Variants in NOSTRIN observed in about 807,000 individuals in gnomAD.
NOSTRIN encodes the protein nitric oxide synthase trafficking, also known as BM247 homolog.
Under a neutral mutation model 59.0 loss-of-function variants are expected in NOSTRIN, and 63 were observed. The ratio of observed to expected loss-of-function variants is 1.07; its 90% CI spans 0.87 to 1.32. The LOEUF (loss-of-function observed/expected upper bound fraction) is 1.32. Among genes scored for constraint, NOSTRIN ranks in the 40% most tolerant of loss-of-function variants. The pLI, the probability that NOSTRIN is intolerant of heterozygous loss-of-function variation, is 0.00. For synonymous variants in NOSTRIN, 200 were observed against 165.4 expected (o/e 1.21, Z -1.61); for missense variants, 512 against 473.1 (o/e 1.08, Z -0.76).
At position 168,856,770 on chromosome 2, in the gene NOSTRIN, A is replaced by G. The variant is rs367978473; in HGVS notation, c.1045A>G (p.Met349Val). 16 of 1,613,842 alleles carry G rather than the reference A, an allele frequency of 9.9e-6. No homozygotes were observed. The African/African-American group carries it at 1.9e-4, about 19-fold the overall frequency. The change falls in exon 12 of 16, where the codon ATG (methionine) becomes GTG (valine). Residue 349 changes from methionine (M) to valine (V), a missense_variant. Met to Val is a conservative substitution (Grantham distance 21). Coordinates refer to ENST00000317647, the MANE Select transcript of NOSTRIN (RefSeq NM_001039724.4). ...AKSQKDTAALMDENNLKLDLL... is the reference protein window; with the variant it reads ...AKSQKDTAALVDENNLKLDLL... ...GAGCCAGAAAGACACAGCAGCGTTAATGGATGAGGTAAATGTTTGCCGAGT... is the reference window on the plus strand; with the variant it reads ...GAGCCAGAAAGACACAGCAGCGTTAGTGGATGAGGTAAATGTTTGCCGAGT...
intron 2 of NOSTRIN, among the ~76,000 whole-genome samples, chr2:168,816,295 C>A (rs1433734628): frequency 6.6e-6 from 1 of 152,178 alleles, no homozygotes; most frequent in Non-Finnish European, 1.5e-5. Context: ...GTAGCCATGA[C>A]CCTGTTTAAG....
chr2:168,837,727 C>T (rs1173376856), intron 7 of NOSTRIN, among the ~76,000 whole-genome samples: 2 of 152,150 alleles, frequency 1.3e-5, no homozygotes, highest in Non-Finnish European at 2.9e-5. Flanking sequence ...AGTGTTCTTG[C>T]CATCGAAAAC....
At chr2:168,850,018 C>G (rs1163164458) in intron 8 of NOSTRIN, among the ~76,000 whole-genome samples, 1 of 150,804 alleles carries the variant, frequency 6.6e-6, no homozygotes, top group Non-Finnish European at 1.5e-5. Context: ...TGGGTTCAGG[C>G]AATTCTGCCT....
intron 1 of NOSTRIN, among the ~76,000 whole-genome samples, chr2:168,807,355 G>A (rs1685909969): frequency 1.3e-5 from 2 of 152,186 alleles, no homozygotes; most frequent in South Asian, 4.1e-4. Flanking sequence ...CACAGTTTTT[G>A]TCTCCAAGTC....
chr2:168,800,411 C>T (rs77532742), upstream of NOSTRIN, among the ~76,000 whole-genome samples: 2,297 of 152,280 alleles, frequency 0.015, 57 homozygotes, highest in African/African-American at 0.052. Context: ...AACATTCCTC[C>T]GAGAAGCTCA....
intron 2 of NOSTRIN, among the ~76,000 whole-genome samples, chr2:168,792,525 C>A (rs1052639214): frequency 2.0e-5 from 3 of 152,204 alleles, no homozygotes; most frequent in African/African-American, 7.2e-5. Context: ...TCTTGACTCA[C>A]TGCAACCTCT....
chr2:168,790,657 C>A (rs911660641), intron 2 of NOSTRIN, among the ~76,000 whole-genome samples: 1 of 152,146 alleles, frequency 6.6e-6, no homozygotes, highest in Non-Finnish European at 1.5e-5. Flanking sequence ...AAGAACTGTT[C>A]CAGAGTGGAA....
rs953170793 is a variant in NOSTRIN at position 168,865,034 on chromosome 2, G to T, written c.*64G>T. The T allele has an allele frequency of 6.4e-7, 1 of 1,552,350 alleles. No individual in the cohort carries two copies. Among genetic ancestry groups the T allele is most frequent in the Non-Finnish European group, 8.8e-7 (1 of 1,138,778 alleles). ...CAACAATACAGTGTGGTTCAAATAA[G>T]AATAAAGTGCTCTTACCTTTACATG... is the stretch of plus-strand genomic sequence containing the variant. On this transcript the variant is annotated 3_prime_UTR_variant, in exon 16 of 16. Transcript: ENST00000317647.
At chr2:168,840,305 C>T (rs1422381444) in intron 7 of NOSTRIN, among the ~76,000 whole-genome samples, 2 of 151,968 alleles carry the variant, frequency 1.3e-5, no homozygotes, top group African/African-American at 4.8e-5. Flanking sequence ...CTGAAACGGG[C>T]GGATCACGAG....
At position 168,860,803 on chromosome 2, in the gene NOSTRIN, T is replaced by C. The variant is rs375549537; in HGVS notation, c.1188T>C (p.Thr396=). The change falls in exon 14 of 16, where the codon ACT becomes ACC. Residue 396 remains threonine, a synonymous_variant. Transcript: ENST00000317647. ...SIFRWREKEH[T]HSYVKISRPF... ...TTATGTCATTTGAACAGGAGCATAC[T>C]CATAGCTATGTGAAAATATCTCGGC... is the stretch of plus-strand genomic sequence containing the variant. 1.6e-5 allele frequency: 26 copies of C among 1,601,224 alleles called. No homozygotes were observed. The African/African-American group carries it at 2.9e-4, about 18-fold the overall frequency.
intron 7 of NOSTRIN, among the ~76,000 whole-genome samples, chr2:168,835,229 C>G (rs894556254): frequency 2.6e-5 from 4 of 151,710 alleles, no homozygotes; most frequent in Admixed American, 6.6e-5. Flanking sequence ...TGTGCACCAC[C>G]ATGCTCGGCT....
intron 2 of NOSTRIN, among the ~76,000 whole-genome samples, chr2:168,812,577 A>G (rs747871103): frequency 1.3e-5 from 2 of 152,224 alleles, no homozygotes; most frequent in Non-Finnish European, 2.9e-5. Flanking sequence ...TTCTCTCTCA[A>G]GGCAGTGGCT....
rs117507175 is a variant in NOSTRIN at position 168,806,226 on chromosome 2, G to A, written c.27+3553G>A. 9.4e-4 allele frequency among the ~76,000 whole-genome samples: 143 copies of A among 151,832 alleles called. 6 individuals carry two copies. The East Asian group carries it at 0.025, about 26-fold the overall frequency. On this transcript the variant is annotated intron_variant, in intron 1 of 15. Transcript: ENST00000317647. The stretch of plus-strand genomic sequence containing the variant: ...AAAGTTCATTGTGTTAAATTTAAGG[G>A]GAATATCATGGTTTCTTTAACACTG...
intron 7 of NOSTRIN, among the ~76,000 whole-genome samples, chr2:168,837,598 C>T (rs562485028): frequency 1.6e-4 from 24 of 152,152 alleles, no homozygotes; most frequent in Non-Finnish European, 3.1e-4. Flanking sequence ...CGTGAGCCAC[C>T]GCGCCCGGTC....
At chr2:168,814,272 T>G (rs1355607452) in intron 2 of NOSTRIN, among the ~76,000 whole-genome samples, 5 of 152,208 alleles carry the variant, frequency 3.3e-5, no homozygotes, top group African/African-American at 1.2e-4. Flanking sequence ...AGTCAACAAT[T>G]ATGTTGGTTA....
intron 2 of NOSTRIN, among the ~76,000 whole-genome samples, chr2:168,789,160 G>A (rs935180601): frequency 6.6e-6 from 1 of 152,202 alleles, no homozygotes; most frequent in African/African-American, 2.4e-5. Context: ...AAGCAAAGTA[G>A]TACTTAAAGA....
chr2:168,799,700 C>T (rs1685566580), upstream of NOSTRIN, among the ~76,000 whole-genome samples: 1 of 152,190 alleles, frequency 6.6e-6, no homozygotes, highest in African/African-American at 2.4e-5. Flanking sequence ...ATTTCTCTTC[C>T]TAACGCCAGT....
Position 168,864,955 on chromosome 2 carries a change from A to C in NOSTRIN, c.1506A>C (p.Thr502=). 1 of 1,614,074 alleles carries C rather than the reference A, an allele frequency of 6.2e-7. No homozygotes were observed. Reference sequence around the variant, plus strand: ...AGTTACCTTCAAATGCTGGCAACACAGCTACAAAGGCATAAAACAAGACTC... The same window carrying C: ...AGTTACCTTCAAATGCTGGCAACACCGCTACAAAGGCATAAAACAAGACTC... The part of the protein sequence containing the change: ...VEELPSNAGN[T]ATKA Residue 502 remains threonine, a synonymous_variant, in exon 16 of 16, where the codon ACA becomes ACC. Coordinates refer to ENST00000317647, the MANE Select transcript of NOSTRIN (RefSeq NM_001039724.4).
At chr2:168,805,786 A>G (rs922450042) in intron 1 of NOSTRIN, among the ~76,000 whole-genome samples, 1 of 152,182 alleles carries the variant, frequency 6.6e-6, no homozygotes, top group Non-Finnish European at 1.5e-5. Flanking sequence ...TGGATATCAG[A>G]CAATGACTGT....
Sources: allele counts gnomAD v4.1 joint callset (sites outside exome capture counted in the v4.1 genomes callset), GRCh38; gene constraint gnomAD v4.1.1; transcripts MANE v1.5; gene names NCBI Gene and HGNC (gene_info 2026-07-23, HGNC 2026-07-21).